The following CERKL variants were observed in gnomAD, a reference collection of about 807,000 sequenced individuals.
The protein encoded by CERKL is CERK like autophagy regulator.
In CERKL, 61 loss-of-function variants were observed where a neutral mutation model predicts 63.4. That is an observed-to-expected ratio of 0.96 (90% CI 0.78 to 1.19). The LOEUF (loss-of-function observed/expected upper bound fraction) is 1.19. Ranked by LOEUF, CERKL falls within the 50% of genes most tolerant of loss-of-function variation. The pLI, the probability that CERKL is intolerant of heterozygous loss-of-function variation, is 0.00. For synonymous variants in CERKL, 250 were observed against 230.5 expected (o/e 1.08, Z -0.77); for missense variants, 675 against 655.5 (o/e 1.03, Z -0.33).
intron 5 of CERKL, among the ~76,000 whole-genome samples, chr2:181,555,592 C>T (rs1384074604): frequency 6.6e-6 from 1 of 151,968 alleles, no homozygotes; most frequent in Non-Finnish European, 1.5e-5. Context: ...ATTCTAAAAT[C>T]CATACTAAAT....
rs569343169 is a variant in CERKL, at chr2:181,615,501, C to T, written c.239-11422G>A. ...GCTAATTGTGCTCACAGTTTCTGCA[C>T]ATGTCCACTTTTTAAAATACTGCCT... On this transcript the variant is annotated intron_variant, in intron 1 of 12. Transcript: ENST00000410087. Among the ~76,000 whole-genome samples the T allele has an allele frequency of 1.3e-3, 194 of 152,326 alleles. 2 individuals are homozygous for T. Among genetic ancestry groups the T allele is most frequent in the South Asian group, 7.0e-3 (34 of 4,828 alleles).
chr2:181,656,784 GC>G lies in CERKL; in HGVS notation c.222del (p.Gln74HisfsTer28), dbSNP rs1476585944. The G allele has an allele frequency of 3.1e-6, 5 of 1,596,920 alleles. No homozygotes were observed. The Admixed American group carries it at 6.8e-5, about 22-fold the overall frequency. On this transcript the variant is annotated frameshift_variant, in exon 1 of 13. Coordinates refer to ENST00000410087, the MANE Select transcript of CERKL (RefSeq NM_201548.5). LOFTEE classifies it high-confidence loss of function. ...GGGCACTCACCCGCCGGGCGCTCGG[GC>G]TGAATGGGCCGCCACCGCAGTGCTC... is the stretch of plus-strand genomic sequence containing the variant. ...SERALRWRPI[Q>X]PERPAGDSKY...
intron 10 of CERKL, among the ~76,000 whole-genome samples, chr2:181,545,800 T>C (rs1043420174): frequency 8.5e-5 from 13 of 152,164 alleles, no homozygotes; most frequent in Non-Finnish European, 1.8e-4. Flanking sequence ...AATTGCATAA[T>C]TTATAAACAT....
Position 181,548,712 on chromosome 2 carries a change from A to AT in CERKL, c.1040dup (p.Asp347GlufsTer6), listed in dbSNP as rs765108142. On this transcript the variant is annotated frameshift_variant, in exon 7 of 13. Coordinates refer to ENST00000410087, the MANE Select transcript of CERKL (RefSeq NM_201548.5). LOFTEE classifies it high-confidence loss of function. ...TTGCCAGTGCCTTAACAACAGCAAA[A>AT]TCTCTCCGTTGGTTAGGGGACATCC... The AT allele has an allele frequency of 6.2e-7, 1 of 1,613,978 alleles. No individual in the cohort carries two copies. Among genetic ancestry groups the AT allele is most frequent in the Non-Finnish European group, 8.5e-7 (1 of 1,179,926 alleles).
chr2:181,553,424 A>G (rs915779535), intron 5 of CERKL, among the ~76,000 whole-genome samples: 8 of 152,164 alleles, frequency 5.3e-5, no homozygotes, highest in Admixed American at 3.9e-4. Flanking sequence ...CTCCATTACC[A>G]TGGTTAATTA....
intron 1 of CERKL, among the ~76,000 whole-genome samples, chr2:181,650,773 G>T (rs921140865): frequency 5.7e-5 from 8 of 139,530 alleles, no homozygotes; most frequent in Non-Finnish European, 1.1e-4. Flanking sequence ...AAAAAAGAAA[G>T]AAAGAAAAAA....
chr2:181,564,994 A>G (rs1465233829), intron 4 of CERKL, among the ~76,000 whole-genome samples: 1 of 152,140 alleles, frequency 6.6e-6, no homozygotes, highest in African/African-American at 2.4e-5. Flanking sequence ...ACTTCCCTCA[A>G]TTAGATTCCT....
At chr2:181,631,870 C>T (rs559515852) in intron 1 of CERKL, among the ~76,000 whole-genome samples, 17 of 152,262 alleles carry the variant, frequency 1.1e-4, no homozygotes, top group Admixed American at 9.8e-4. Flanking sequence ...TTCCCTATGT[C>T]ATTTTTACCC....
At chr2:181,565,732 C>T (rs1688637863) in intron 4 of CERKL, among the ~76,000 whole-genome samples, 1 of 152,042 alleles carries the variant, frequency 6.6e-6, no homozygotes, top group African/African-American at 2.4e-5. Context: ...TAACATCTTC[C>T]ATTAGTGCTT....
chr2:181,634,084 G>A (rs558253122), intron 1 of CERKL, among the ~76,000 whole-genome samples: 1 of 152,208 alleles, frequency 6.6e-6, no homozygotes, highest in South Asian at 2.1e-4. Context: ...CATGAAAAAG[G>A]TATTTTTAAA....
chr2:181,549,158 C>T (rs780919952), intron 6 of CERKL, among the ~76,000 whole-genome samples: 1 of 152,128 alleles, frequency 6.6e-6, no homozygotes, highest in Non-Finnish European at 1.5e-5. Flanking sequence ...ACAGATTTAA[C>T]AGTAGTTTAG....
intron 2 of CERKL, among the ~76,000 whole-genome samples, chr2:181,600,273 G>T (rs961072227): frequency 6.6e-6 from 1 of 152,178 alleles, no homozygotes; most frequent in African/African-American, 2.4e-5. Flanking sequence ...AAGGCTCAGA[G>T]ATCTTATAGA....
intron 3 of CERKL, among the ~76,000 whole-genome samples, chr2:181,570,743 A>C (rs894387748): frequency 6.6e-6 from 1 of 152,200 alleles, no homozygotes; most frequent in African/African-American, 2.4e-5. Flanking sequence ...GGTAAGATCC[A>C]TTTTTAAAAT....
intron 11 of CERKL, among the ~76,000 whole-genome samples, chr2:181,542,221 T>C (rs1687539520): frequency 6.6e-6 from 1 of 152,174 alleles, no homozygotes; most frequent in Non-Finnish European, 1.5e-5. Flanking sequence ...GTGTTCAGCC[T>C]CTATCTAATT....
At chr2:181,570,163 T>A (rs1272445473) in intron 3 of CERKL, among the ~76,000 whole-genome samples, 1 of 152,204 alleles carries the variant, frequency 6.6e-6, no homozygotes, top group Admixed American at 6.5e-5. Context: ...CCTTTTCTAA[T>A]CTGCCCAAAG....
intron 1 of CERKL, among the ~76,000 whole-genome samples, chr2:181,648,394 A>G (rs1051984595): frequency 6.6e-6 from 1 of 151,942 alleles, no homozygotes; most frequent in Non-Finnish European, 1.5e-5. Context: ...TTTATTCAAG[A>G]TGCTAAAAGA....
Position 181,537,448 on chromosome 2 carries a change from T to G in CERKL, c.*736A>C, listed in dbSNP as rs1368205164. 1 of 448,260 alleles carries G rather than the reference T, an allele frequency of 2.2e-6. No homozygotes were observed. Among genetic ancestry groups the G allele is most frequent in the African/African-American group, 2.0e-5 (1 of 49,798 alleles). 27.8% of individuals were successfully genotyped at this position (448,260 alleles called of 1,614,324 possible). A position where few individuals can be genotyped will look rare whatever the true frequency, so the allele number is the denominator to read the frequency against. Reference sequence around the variant, plus strand: ...TTACTTTGTTACTTGTATCATGAATTTTAAAACCCTACCACTTTAAGAAGA... The same window carrying G: ...TTACTTTGTTACTTGTATCATGAATGTTAAAACCCTACCACTTTAAGAAGA... On this transcript the variant is annotated 3_prime_UTR_variant, in exon 13 of 13. Transcript: ENST00000410087.
intron 2 of CERKL, among the ~76,000 whole-genome samples, chr2:181,586,705 A>T (rs1026969736): frequency 6.6e-6 from 1 of 152,190 alleles, no homozygotes; most frequent in Admixed American, 6.5e-5. Flanking sequence ...CAAATGTGCT[A>T]ATATATACTA....
intron 5 of CERKL, among the ~76,000 whole-genome samples, chr2:181,555,942 A>AGGGTTTC (rs1240877283): frequency 1.3e-5 from 2 of 151,870 alleles, no homozygotes; most frequent in Non-Finnish European, 2.9e-5. Context: ...TAGTAGAGAT[A>AGGGTTTC]GGGTTTCACC....
Sources: allele counts gnomAD v4.1 joint callset (sites outside exome capture counted in the v4.1 genomes callset), GRCh38; gene constraint gnomAD v4.1.1; transcripts MANE v1.5; gene names NCBI Gene and HGNC (gene_info 2026-07-23, HGNC 2026-07-21).